The following SH3RF3 variants were observed in gnomAD, a reference collection of about 807,000 sequenced individuals.
SH3RF3 encodes SH3 domain containing ring finger 3, also known as E3 ubiquitin-protein ligase SH3RF3.
In SH3RF3, 29 loss-of-function variants were observed where a neutral mutation model predicts 66.3. The observed-to-expected ratio is 0.44, with a 90% CI of 0.33 to 0.60. SH3RF3 has a LOEUF of 0.60. SH3RF3 is among the 20% of genes least tolerant of loss of function. SH3RF3 has a pLI of 0.04. For missense variants in SH3RF3, 1,194 were observed against 1,190.9 expected, an observed-to-expected ratio of 1.00 and a Z score of -0.04; for synonymous variants, 583 against 532.0, an observed-to-expected ratio of 1.10 and a Z score of -1.32.
intron 1 of SH3RF3, among the ~76,000 whole-genome samples, chr2:109,245,656 C>G (rs1679898502): frequency 6.6e-6 from 1 of 152,144 alleles, no homozygotes; most frequent in Admixed American, 6.5e-5. Flanking sequence ...TGCTTCTTAT[C>G]CCTTGAACTG....
At chr2:109,161,497 A>G (rs369166017) in intron 1 of SH3RF3, among the ~76,000 whole-genome samples, 3 of 151,494 alleles carry the variant, frequency 2.0e-5, no homozygotes, top group South Asian at 4.1e-4. Context: ...TGCATTACAT[A>G]TCGTAAGGCG....
chr2:109,327,038 T>C (rs1158493310), intron 1 of SH3RF3, among the ~76,000 whole-genome samples: 1 of 152,262 alleles, frequency 6.6e-6, no homozygotes, highest in Admixed American at 6.5e-5. Flanking sequence ...TCGTATTTAA[T>C]GTCTTTTGAT....
chr2:109,466,143 T>C (rs1678340066), intron 8 of SH3RF3, among the ~76,000 whole-genome samples: 1 of 140,962 alleles, frequency 7.1e-6, no homozygotes, highest in South Asian at 2.4e-4. Context: ...GCAGCAGTGC[T>C]ATCTCGGCTC....
At chr2:109,302,282 G>C (rs1468821485) in intron 1 of SH3RF3, among the ~76,000 whole-genome samples, 1 of 149,736 alleles carries the variant, frequency 6.7e-6, no homozygotes, top group Non-Finnish European at 1.5e-5. Flanking sequence ...GCATTTTTTT[G>C]TGACTGTAAT....
intron 1 of SH3RF3, among the ~76,000 whole-genome samples, chr2:109,222,098 G>A (rs1679258675): frequency 6.6e-6 from 1 of 152,188 alleles, no homozygotes; most frequent in Non-Finnish European, 1.5e-5. Flanking sequence ...GCCAGGCACA[G>A]AAAGGCAAAT....
intron 1 of SH3RF3, among the ~76,000 whole-genome samples, chr2:109,314,672 A>G (rs1004975123): frequency 6.6e-6 from 1 of 152,250 alleles, no homozygotes. Context: ...CTTTACATGC[A>G]TAAGGCAAAC....
intron 1 of SH3RF3, among the ~76,000 whole-genome samples, chr2:109,139,057 A>G (rs1676878365): frequency 6.6e-6 from 1 of 152,212 alleles, no homozygotes; most frequent in Admixed American, 6.5e-5. Flanking sequence ...GGATTTAATT[A>G]TGCAGCTTAT....
At chr2:109,163,750 A>G (rs374684139) in intron 1 of SH3RF3, among the ~76,000 whole-genome samples, 7 of 152,150 alleles carry the variant, frequency 4.6e-5, no homozygotes, top group African/African-American at 1.7e-4. Context: ...AGTAACTGGA[A>G]TCGCCATCCT....
chr2:109,156,661 G>C (rs1041968290), intron 1 of SH3RF3, among the ~76,000 whole-genome samples: 1 of 152,160 alleles, frequency 6.6e-6, no homozygotes, highest in Admixed American at 6.5e-5. Context: ...GGCCAGGCTG[G>C]TCACGAACTC....
At chr2:109,493,145 C>T (rs1186769046) in intron 9 of SH3RF3, among the ~76,000 whole-genome samples, 1 of 139,642 alleles carries the variant, frequency 7.2e-6, no homozygotes, top group Non-Finnish European at 1.6e-5. Context: ...CCACATACAT[C>T]ATACAAAACA....
intron 8 of SH3RF3, among the ~76,000 whole-genome samples, chr2:109,451,084 C>A (rs569003128): frequency 1.3e-5 from 2 of 152,230 alleles, no homozygotes; most frequent in Non-Finnish European, 2.9e-5. Context: ...TTCCGCAGGG[C>A]CTCAGCACCT....
chr2:109,409,709 C>T (rs1272351772), intron 4 of SH3RF3, among the ~76,000 whole-genome samples: 8 of 152,048 alleles, frequency 5.3e-5, no homozygotes, highest in Non-Finnish European at 1.2e-4. Flanking sequence ...AGAGGGAGAT[C>T]GAGAGGCACG....
intron 1 of SH3RF3, among the ~76,000 whole-genome samples, chr2:109,155,623 A>G (rs1453530687): frequency 1.3e-5 from 2 of 152,024 alleles, no homozygotes; most frequent in East Asian, 1.9e-4. Context: ...TGATGACACA[A>G]TTTTGGCTAT....
chr2:109,176,726 G>T (rs1348197077), intron 1 of SH3RF3, among the ~76,000 whole-genome samples: 1 of 152,108 alleles, frequency 6.6e-6, no homozygotes, highest in African/African-American at 2.4e-5. Context: ...CACAGAGCCA[G>T]ACCCTGTCTC....
chr2:109,277,756 G>A (rs949451536), intron 1 of SH3RF3, among the ~76,000 whole-genome samples: 3 of 152,220 alleles, frequency 2.0e-5, no homozygotes, highest in African/African-American at 7.2e-5. Context: ...GGGTGGATGT[G>A]TAGGTTTTGG....
intron 8 of SH3RF3, among the ~76,000 whole-genome samples, chr2:109,466,152 T>C (rs931762589): frequency 1.4e-5 from 2 of 138,116 alleles, no homozygotes; most frequent in African/African-American, 5.3e-5. Flanking sequence ...CTATCTCGGC[T>C]CACTGCTGCA....
intron 1 of SH3RF3, among the ~76,000 whole-genome samples, chr2:109,325,847 T>A (rs1682141973): frequency 6.6e-6 from 1 of 152,232 alleles, no homozygotes; most frequent in Admixed American, 6.5e-5. Context: ...CACACCTCCC[T>A]TTGTTCCAAA....
chr2:109,393,383 G>A (rs1676054560), intron 3 of SH3RF3, among the ~76,000 whole-genome samples: 2 of 152,212 alleles, frequency 1.3e-5, no homozygotes, highest in African/African-American at 4.8e-5. Flanking sequence ...CGTCTCTTGG[G>A]AGCTGGCAGA....
chr2:109,166,459 G>GA lies in SH3RF3; in HGVS notation c.573+36361dup, dbSNP rs386390872. On this transcript the variant is annotated intron_variant, in intron 1 of 9. Transcript: ENST00000309415. ...GCCACTGTACTCCAGCCTGGTGACA[G>GA]AAAAAAAAAAAAAAAGAAAGAAAGA... Among the ~76,000 whole-genome samples the GA allele has an allele frequency of 7.6e-4, 102 of 134,294 alleles. 2 individuals carry two copies. The highest frequency in any genetic ancestry group is 3.8e-3 in the Middle Eastern group (1 of 262). 88.1% of individuals were successfully genotyped at this position (134,294 alleles called of 152,430 possible).
Sources: gnomAD v4.1 joint callset for allele counts (sites outside exome capture counted in the v4.1 genomes callset) on GRCh38, gnomAD v4.1.1 for gene constraint, MANE v1.5 for transcripts, NCBI Gene and HGNC (gene_info 2026-07-23, HGNC 2026-07-21) for gene names.